Variants in COL17A1 observed in about 807,000 individuals in gnomAD.
COL17A1 encodes collagen type XVII alpha 1 chain, also known as collagen alpha-1(XVII) chain.
A neutral mutation model predicts 218.4 loss-of-function variants in COL17A1; 181 were observed. The ratio of observed to expected loss-of-function variants is 0.83; its 90% CI spans 0.73 to 0.94. COL17A1 has a LOEUF of 0.94. Ranked by LOEUF, COL17A1 falls within the 40% of genes least tolerant of loss-of-function variation. COL17A1 has a pLI of 0.00. For missense variants in COL17A1, 1,924 were observed against 1,945.9 expected, an observed-to-expected ratio of 0.99 and a Z score of 0.21; for synonymous variants, 721 against 731.0, an observed-to-expected ratio of 0.99 and a Z score of 0.22.
intron 43 of COL17A1, 41 bp downstream of exon 43, chr10:104,039,404 A>G: frequency 6.2e-7 from 1 of 1,600,556 alleles, no homozygotes; most frequent in Non-Finnish European, 8.6e-7. Context: ...CACCAGGCTC[A>G]CCCCTACTCC....
rs749566300 is a variant in COL17A1 at position 104,060,261 on chromosome 10, C to A, written c.999G>T (p.Gln333His). 6.2e-7 allele frequency: 1 copy of A among 1,614,078 alleles called. No homozygotes were observed. The highest frequency in any genetic ancestry group is 8.5e-7 in the Non-Finnish European group (1 of 1,180,028). ...AGTCCTTGTGCAAAAGGTCATCGCT[C>A]TGCACACTTGTGGTGCAGGCTGGGG... is the stretch of plus-strand genomic sequence containing the variant. ...STSAACTTSV[Q>H]SDDLLHKDCK... Residue 333 changes from glutamine (Q) to histidine (H), a missense_variant, in exon 14 of 56, where the codon CAG (glutamine) becomes CAT (histidine). Coordinates refer to ENST00000648076, the MANE Select transcript of COL17A1 (RefSeq NM_000494.4).
intron 17 of COL17A1, 58 bp from the exon 18 acceptor site, chr10:104,056,061 A>G (rs375771704): frequency 3.1e-6 from 5 of 1,593,698 alleles, no homozygotes; most frequent in East Asian, 2.2e-5. Context: ...CCTTCCATAC[A>G]CTCGCTCCTA....
intron 33 of COL17A1, 28 bp from the exon 34 acceptor site, chr10:104,043,888 G>T (rs528980486): frequency 1.9e-6 from 3 of 1,614,032 alleles, no homozygotes; most frequent in African/African-American, 1.3e-5. Flanking sequence ...GGCTGAGAGT[G>T]GTTGTTCTGA....
At chr10:104,045,080 C>A (rs1365653932) in intron 33 of COL17A1, among the ~76,000 whole-genome samples, 1 of 152,082 alleles carries the variant, frequency 6.6e-6, no homozygotes, top group Non-Finnish European at 1.5e-5. Flanking sequence ...ATCAAAGGAA[C>A]AGAAGGACAA....
intron 20 of COL17A1, 131 bp downstream of exon 20, chr10:104,054,850 C>T (rs2086504474): frequency 7.0e-7 from 1 of 1,435,758 alleles, no homozygotes. Context: ...ACCTCTCCTC[C>T]TCACACACCT....
chr10:104,079,502 G>A (rs1160605400), intron 2 of COL17A1, among the ~76,000 whole-genome samples: 4 of 151,622 alleles, frequency 2.6e-5, no homozygotes, highest in African/African-American at 9.7e-5. Flanking sequence ...CAGCTGTGCC[G>A]CTGACACCTG....
chr10:104,071,616 C>T (rs78704733), intron 8 of COL17A1, among the ~76,000 whole-genome samples: 67 of 152,258 alleles, frequency 4.4e-4, no homozygotes, highest in African/African-American at 1.5e-3. Context: ...ACTGTTCCTT[C>T]GATGCCTCAT....
intron 18 of COL17A1, 103 bp from the exon 19 acceptor site, chr10:104,055,504 A>G: frequency 6.7e-7 from 1 of 1,489,206 alleles, no homozygotes; most frequent in Non-Finnish European, 9.2e-7. Context: ...ATGGTATGGG[A>G]AGAAGAAACT....
chr10:104,061,123 A>T (rs1165369129), intron 13 of COL17A1, among the ~76,000 whole-genome samples: 2 of 152,224 alleles, frequency 1.3e-5, no homozygotes. Flanking sequence ...AGTCAAGGGC[A>T]GTGGCTAATG....
In COL17A1 at chr10:104,045,770, G is replaced by A. The variant is rs1210282109; in HGVS notation, c.2386C>T (p.Pro796Ser). ...GAAATTCACTTACCTTTTATTCCTG[G>A]TCGGCCAGGGGTACCGGGAAGTCCT... ...PQGLPGTPGRPGIKGEPGAPG... is the reference protein window; with the variant it reads ...PQGLPGTPGRSGIKGEPGAPG... The change falls in exon 33 of 56, where the codon CCA becomes TCA. Residue 796 changes from proline to serine, a missense_variant. Physicochemically the swap from Pro to Ser is moderately conservative, Grantham distance 74 (BLOSUM62 -1). Coordinates refer to ENST00000648076, the MANE Select transcript of COL17A1 (RefSeq NM_000494.4). The A allele has an allele frequency of 6.2e-7, 1 of 1,612,582 alleles. No homozygotes were observed. The highest frequency in any genetic ancestry group is 2.2e-5 in the East Asian group (1 of 44,876).
rs549292030 is a variant in COL17A1, at chr10:104,036,313, A to G, written c.3418+179T>C. 2.7e-5 allele frequency among the ~76,000 whole-genome samples: 4 copies of G among 149,258 alleles called. No homozygotes were observed. The South Asian group carries it at 6.4e-4, about 24-fold the overall frequency. Reference sequence around the variant, plus strand: ...GACCCCCGTTTTGGCTTTCCTTGCCATGCTTCTTGACCTGCTCCAGGCTCA... The same window carrying G: ...GACCCCCGTTTTGGCTTTCCTTGCCGTGCTTCTTGACCTGCTCCAGGCTCA... On this transcript the variant is annotated intron_variant, in intron 48 of 55. Coordinates refer to ENST00000648076, the MANE Select transcript of COL17A1 (RefSeq NM_000494.4).
intron 50 of COL17A1, among the ~76,000 whole-genome samples, 196 bp downstream of exon 50, chr10:104,035,067 G>A (rs2086262416): frequency 1.3e-5 from 2 of 152,186 alleles, no homozygotes; most frequent in African/African-American, 4.8e-5. Flanking sequence ...CTGCGCCTGG[G>A]AAAGCCATCT....
At chr10:104,041,376 G>A in intron 37 of COL17A1, 32 bp from the exon 38 acceptor site, 2 of 1,606,936 alleles carry the variant, frequency 1.2e-6, no homozygotes, top group East Asian at 4.5e-5. Flanking sequence ...AGGCCATGCT[G>A]AGCTCAGGGA....
intron 45 of COL17A1, among the ~76,000 whole-genome samples, chr10:104,038,053 G>A (rs557242929): frequency 6.6e-6 from 1 of 152,354 alleles, no homozygotes; most frequent in Non-Finnish European, 1.5e-5. Flanking sequence ...CATGCAAGGT[G>A]TGGTGTGAAA....
At chr10:104,033,154 C>T (rs1844711666) in intron 53 of COL17A1, 84 bp downstream of exon 53, 1 of 1,545,456 alleles carries the variant, frequency 6.5e-7, no homozygotes. Context: ...CTGGAGATTT[C>T]TCATGAGACT....
chr10:104,035,119 A>G, intron 50 of COL17A1, 144 bp downstream of exon 50: 3 of 775,652 alleles, frequency 3.9e-6, no homozygotes, highest in Non-Finnish European at 4.3e-6. Flanking sequence ...GCCCCTTGCC[A>G]GCACATGTGG....
intron 48 of COL17A1, among the ~76,000 whole-genome samples, chr10:104,036,100 ATGGGAG>A (rs1447379514): frequency 5.4e-5 from 1 of 18,684 alleles, no homozygotes; most frequent in Non-Finnish European, 1.1e-4. Context: ...GTGTGTGTGT[ATGGGAG>A]TGTGTGTGTA....
chr10:104,050,036 T>C (rs1268156320), intron 28 of COL17A1, 53 bp downstream of exon 28: 20 of 1,613,536 alleles, frequency 1.2e-5, no homozygotes, highest in Non-Finnish European at 1.6e-5. Flanking sequence ...TAGTGACTGA[T>C]GGATTTACAA....
At chr10:104,080,542 A>C (rs563381655) in intron 2 of COL17A1, 80 bp downstream of exon 2, 1 of 1,503,752 alleles carries the variant, frequency 6.7e-7, no homozygotes, top group South Asian at 1.1e-5. Flanking sequence ...TAGAATTATT[A>C]ATGAATTACT....
Sources: allele counts gnomAD v4.1 joint callset (sites outside exome capture counted in the v4.1 genomes callset), GRCh38; gene constraint gnomAD v4.1.1; transcripts MANE v1.5; gene names NCBI Gene and HGNC (gene_info 2026-07-23, HGNC 2026-07-21).